The following FOXP2 variants were observed in gnomAD, a reference collection of about 807,000 sequenced individuals.
FOXP2 encodes the protein forkhead box protein P2.
Under a neutral mutation model 115.8 loss-of-function variants are expected in FOXP2, and 12 were observed. That is an observed-to-expected ratio of 0.10 (90% CI 0.07 to 0.17). The LOEUF is 0.17. Among genes scored for constraint, FOXP2 ranks in the 10% least tolerant of loss-of-function variants. The pLI is 1.00. For synonymous variants in FOXP2, 328 were observed against 297.7 expected (o/e 1.10, Z -1.05); for missense variants, 629 against 843.5 (o/e 0.75, Z 3.15).
At chr7:114,515,946 G>T (rs1391800396) in intron 2 of FOXP2, among the ~76,000 whole-genome samples, 2 of 152,090 alleles carry the variant, frequency 1.3e-5, no homozygotes, top group Non-Finnish European at 2.9e-5. Flanking sequence ...CATGCTCATG[G>T]GTAGGAAGAA....
At chr7:114,631,375 T>C in intron 5 of FOXP2, 153 bp from the exon 6 acceptor site, 1 of 1,318,900 alleles carries the variant, frequency 7.6e-7, no homozygotes, top group Non-Finnish European at 1.0e-6. Context: ...ACTGAAAATC[T>C]AGAACTTACT....
intron 2 of FOXP2, among the ~76,000 whole-genome samples, chr7:114,362,733 AT>A (rs566796552): frequency 6.6e-6 from 1 of 152,130 alleles, no homozygotes; most frequent in Non-Finnish European, 1.5e-5. Flanking sequence ...GCTATAAAAA[AT>A]CGAACTTTTA....
Position 114,653,947 on chromosome 7 carries a change from C to T in FOXP2, c.1204C>T (p.Leu402Phe), listed in dbSNP as rs2129338664. The T allele has an allele frequency of 6.2e-7, 1 of 1,613,192 alleles. No homozygotes were observed. The highest frequency in any genetic ancestry group is 2.2e-5 in the East Asian group (1 of 44,846). The change falls in exon 10 of 17, where the codon CTT (leucine) becomes TTT (phenylalanine). Residue 402 changes from leucine (L) to phenylalanine (F), a missense_variant. By Grantham distance (22) the Leu-to-Phe change is conservative (BLOSUM62 0). Around this residue, in one of 9 missense-constraint regions of FOXP2, gnomAD observed 24 missense variants for 76.3 expected, o/e 0.31. Transcript: ENST00000350908. ...ACAGCTTTCTAAAGAACGCGAACGT[C>T]TTCAAGCAATGATGACCCACTTGCA... ...EIQLSKERER[L>F]QAMMTHLHMR...
At chr7:114,524,618 A>G (rs1798775707) in intron 2 of FOXP2, among the ~76,000 whole-genome samples, 1 of 152,136 alleles carries the variant, frequency 6.6e-6, no homozygotes, top group South Asian at 2.1e-4. Context: ...TCTGTGATAA[A>G]AAGAGGGTGT....
At chr7:114,366,771 T>G (rs552709662) in intron 2 of FOXP2, 2 of 152,296 alleles carry the variant, frequency 1.3e-5, no homozygotes, top group East Asian at 3.9e-4. Context: ...ATGAAGATAA[T>G]TATAATTTTG....
chr7:114,495,748 C>T (rs1797294168), intron 2 of FOXP2, among the ~76,000 whole-genome samples: 1 of 152,128 alleles, frequency 6.6e-6, no homozygotes, highest in South Asian at 2.1e-4. Flanking sequence ...CTCAGATGAT[C>T]TGCCCGCCTC....
chr7:114,150,719 ATTGC>A (rs1167102725), intron 1 of FOXP2, among the ~76,000 whole-genome samples: 2 of 152,048 alleles, frequency 1.3e-5, no homozygotes, highest in Admixed American at 1.3e-4. Context: ...ACTTCTTAAA[ATTGC>A]AATTATGTCA....
At chr7:114,209,178 G>T (rs1029218679) in intron 1 of FOXP2, among the ~76,000 whole-genome samples, 2 of 152,088 alleles carry the variant, frequency 1.3e-5, no homozygotes, top group African/African-American at 4.8e-5. Flanking sequence ...GCTTATAAGG[G>T]GGTCCCTCCT....
chr7:114,472,262 A>G (rs1796082534), intron 2 of FOXP2, among the ~76,000 whole-genome samples: 1 of 152,166 alleles, frequency 6.6e-6, no homozygotes, highest in South Asian at 2.1e-4. Flanking sequence ...TCAGTAACAT[A>G]GTAAATAACT....
intron 8 of FOXP2, among the ~76,000 whole-genome samples, chr7:114,647,553 A>T (rs1641242177): frequency 6.6e-6 from 1 of 151,952 alleles, no homozygotes. Context: ...TGATGAAGGG[A>T]GTCCAGGATA....
intron 16 of FOXP2, among the ~76,000 whole-genome samples, chr7:114,674,995 C>T (rs2129346923): frequency 6.6e-6 from 1 of 152,124 alleles, no homozygotes; most frequent in Non-Finnish European, 1.5e-5. Context: ...TTTAATGTCA[C>T]TTATATTATT....
intron 1 of FOXP2, among the ~76,000 whole-genome samples, chr7:114,206,009 C>T (rs1346230338): frequency 2.0e-5 from 3 of 152,114 alleles, no homozygotes; most frequent in Non-Finnish European, 2.9e-5. Flanking sequence ...GTGGGTGGAT[C>T]GCTTGACTCC....
intron 3 of FOXP2, among the ~76,000 whole-genome samples, chr7:114,544,187 C>T (rs925459562): frequency 6.6e-6 from 1 of 151,994 alleles, no homozygotes; most frequent in Non-Finnish European, 1.5e-5. Flanking sequence ...TAGGGAAAGG[C>T]CGTGTCTTGA....
intron 1 of FOXP2, among the ~76,000 whole-genome samples, chr7:114,204,891 G>A (rs990326738): frequency 1.4e-5 from 2 of 146,286 alleles, no homozygotes; most frequent in Admixed American, 1.4e-4. Context: ...GAATAACTAA[G>A]AGTTGGCTGT....
At chr7:114,345,635 C>T (rs1791328779) in intron 2 of FOXP2, among the ~76,000 whole-genome samples, 1 of 151,696 alleles carries the variant, frequency 6.6e-6, no homozygotes. Context: ...GTACTGCCTG[C>T]ATTTCATTAA....
intron 2 of FOXP2, among the ~76,000 whole-genome samples, chr7:114,351,624 AGTGTCACAATATAAAATGTTAAATCT>A (rs1791492830): frequency 6.6e-6 from 1 of 152,124 alleles, no homozygotes; most frequent in Non-Finnish European, 1.5e-5. Flanking sequence ...AGTTTTCTAT[AGTGTCACAATATAAAATGTTAAATCT>A]GTGCTCATTA....
intron 1 of FOXP2, among the ~76,000 whole-genome samples, chr7:114,164,146 C>T (rs546752242): frequency 3.3e-5 from 5 of 152,170 alleles, no homozygotes; most frequent in Admixed American, 1.3e-4. Context: ...AATCTTGTTA[C>T]GTGGTGCATT....
chr7:114,670,888 G>C (rs1201942521), intron 16 of FOXP2, among the ~76,000 whole-genome samples: 1 of 151,770 alleles, frequency 6.6e-6, no homozygotes, highest in Non-Finnish European at 1.5e-5. Flanking sequence ...CTTTCTCATT[G>C]TTTTCATTCC....
chr7:114,184,146 T>C (rs970260446), intron 1 of FOXP2, among the ~76,000 whole-genome samples: 1 of 152,222 alleles, frequency 6.6e-6, no homozygotes, highest in Non-Finnish European at 1.5e-5. Context: ...GTTACTATTT[T>C]GCCATCTTTT....
Sources: allele counts gnomAD v4.1 joint callset (sites outside exome capture counted in the v4.1 genomes callset), GRCh38; gene constraint gnomAD v4.1.1; regional missense constraint gnomAD v4.1.1; transcripts MANE v1.5; gene names NCBI Gene and HGNC (gene_info 2026-07-23, HGNC 2026-07-21).